Variants in THRB observed in about 807,000 individuals in gnomAD.
THRB encodes the protein nuclear receptor subfamily 1 group A member 2.
Under a neutral mutation model 47.8 loss-of-function variants are expected in THRB, and 12 were observed. That is an observed-to-expected ratio of 0.25 (90% CI 0.16 to 0.41). The LOEUF is 0.41. Among genes scored for constraint, THRB ranks in the 10% least tolerant of loss-of-function variants. THRB has a pLI of 1.00. For synonymous variants in THRB, 218 were observed against 212.2 expected (o/e 1.03, Z -0.24); for missense variants, 348 against 589.2 (o/e 0.59, Z 4.24).
In THRB at chr3:24,440,615, C is replaced by A. The variant is rs111685639; in HGVS notation, c.-261+54037G>T. ...GAGCAGTTTTACAAATAAAAATAAT[C>A]CAAGGAGACAAAGGTCAGAATGACT... On this transcript the variant is annotated intron_variant, in intron 1 of 10. Transcript: ENST00000646209. 5.9e-5 allele frequency among the ~76,000 whole-genome samples: 9 copies of A among 151,924 alleles called. 1 individual carries two copies. The highest frequency in any genetic ancestry group is 4.2e-4 in the South Asian group (2 of 4,800).
intron 1 of THRB, among the ~76,000 whole-genome samples, chr3:24,425,619 C>T (rs1428169972): frequency 1.3e-5 from 2 of 151,894 alleles, no homozygotes; most frequent in Non-Finnish European, 2.9e-5. Flanking sequence ...GCAAATCTGG[C>T]AACAATCAGT....
At chr3:24,240,038 T>G (rs1051301452) in intron 3 of THRB, among the ~76,000 whole-genome samples, 1 of 152,178 alleles carries the variant, frequency 6.6e-6, no homozygotes, top group Non-Finnish European at 1.5e-5. Flanking sequence ...TGTATTTCTG[T>G]GGGGTTGCTG....
chr3:24,460,253 A>AT (rs1553768594), intron 1 of THRB, among the ~76,000 whole-genome samples: 2 of 151,994 alleles, frequency 1.3e-5, no homozygotes, highest in African/African-American at 2.4e-5. Context: ...GAAGGTTATT[A>AT]TTTTTTTTCT....
Position 24,351,646 on chromosome 3 carries a change from CA to C in THRB, c.-260-14276del, listed in dbSNP as rs1434782256. Among the ~76,000 whole-genome samples, 59 of 152,230 alleles carry C rather than the reference CA, an allele frequency of 3.9e-4. 3 individuals are homozygous for C. Among genetic ancestry groups the C allele is most frequent in the Admixed American group, 3.2e-3 (49 of 15,282 alleles). ...GAAATTGTCTTAATCTTTTCCAGAA[CA>C]AGTCCTTAAAACACACTCTCAAAGT... On this transcript the variant is annotated intron_variant, in intron 1 of 10. Transcript: ENST00000646209.
At chr3:24,317,939 T>TC (rs2058235410) in intron 2 of THRB, among the ~76,000 whole-genome samples, 1 of 151,636 alleles carries the variant, frequency 6.6e-6, no homozygotes, top group African/African-American at 2.4e-5. Context: ...GTGACTGGAG[T>TC]CCCAGCTACC....
intron 2 of THRB, among the ~76,000 whole-genome samples, chr3:24,321,145 C>T (rs928418372): frequency 6.6e-6 from 1 of 152,128 alleles, no homozygotes; most frequent in Non-Finnish European, 1.5e-5. Flanking sequence ...AAGTGAGTGA[C>T]TTTGCCCAGT....
intron 2 of THRB, among the ~76,000 whole-genome samples, chr3:24,311,297 G>C (rs1325847547): frequency 6.6e-6 from 1 of 152,182 alleles, no homozygotes; most frequent in African/African-American, 2.4e-5. Flanking sequence ...TTAACTAGAA[G>C]ATGCAATATT....
chr3:24,330,865 A>G (rs1402476844), intron 2 of THRB, among the ~76,000 whole-genome samples: 1 of 152,246 alleles, frequency 6.6e-6, no homozygotes, highest in Non-Finnish European at 1.5e-5. Flanking sequence ...TGCTGACTGT[A>G]AAAGCTAAAA....
intron 1 of THRB, among the ~76,000 whole-genome samples, chr3:24,364,913 G>T (rs534314099): frequency 6.6e-6 from 1 of 152,200 alleles, no homozygotes; most frequent in South Asian, 2.1e-4. Context: ...TAAGATTTTA[G>T]CTCATAGACA....
chr3:24,211,654 G>A (rs1180890146), intron 4 of THRB, among the ~76,000 whole-genome samples: 2 of 152,160 alleles, frequency 1.3e-5, no homozygotes, highest in East Asian at 1.9e-4. Flanking sequence ...AAAATGAGAA[G>A]GCTTAGAAAC....
rs747202783 is a variant in THRB, at chr3:24,416,572, C to T, written c.-261+78080G>A. 6.1e-4 allele frequency among the ~76,000 whole-genome samples: 92 copies of T among 151,880 alleles called. 1 individual carries two copies. Among genetic ancestry groups the T allele is most frequent in the Non-Finnish European group, 1.2e-3 (80 of 67,878 alleles). On this transcript the variant is annotated intron_variant, in intron 1 of 10. Transcript: ENST00000646209. ...GACTAATCCAGTTGTTTAATAGGTG[C>T]TGCTTTTGGTTTCATATAGGATTCT...
At chr3:24,220,812 A>AG (rs1451875399) in intron 4 of THRB, among the ~76,000 whole-genome samples, 5 of 151,878 alleles carry the variant, frequency 3.3e-5, no homozygotes, top group East Asian at 1.9e-4. Flanking sequence ...GAAAAAAAAA[A>AG]AAAGAAAGAA....
chr3:24,187,287 A>G (rs2042717635), intron 5 of THRB, among the ~76,000 whole-genome samples: 1 of 152,158 alleles, frequency 6.6e-6, no homozygotes, highest in Non-Finnish European at 1.5e-5. Flanking sequence ...CAGTTTCTGT[A>G]TTTGCATCAA....
chr3:24,281,331 C>G (rs2054577745), intron 3 of THRB, among the ~76,000 whole-genome samples: 1 of 150,918 alleles, frequency 6.6e-6, no homozygotes, highest in African/African-American at 2.4e-5. Flanking sequence ...CATATCCAGC[C>G]AAACTAAGCT....
At position 24,362,900 on chromosome 3, in the gene THRB, G is replaced by A. The variant is rs186697508; in HGVS notation, c.-260-25529C>T. 6.6e-5 allele frequency among the ~76,000 whole-genome samples: 10 copies of A among 152,180 alleles called. No individual in the cohort carries two copies. The East Asian group carries it at 1.2e-3, about 18-fold the overall frequency. Reference sequence around the variant, plus strand: ...ACCTGCCTTGTTATTTTAACACTTCGGGCCTTACTTAGAAAATGATACATG... The same window carrying A: ...ACCTGCCTTGTTATTTTAACACTTCAGGCCTTACTTAGAAAATGATACATG... On this transcript the variant is annotated intron_variant, in intron 1 of 10. Coordinates refer to ENST00000646209, the MANE Select transcript of THRB (RefSeq NM_001354712.2).
rs182113171 is a variant in THRB, at chr3:24,157,351, C to T, written c.284-4861G>A. On this transcript the variant is annotated intron_variant, in intron 5 of 10. Transcript: ENST00000646209. The stretch of plus-strand genomic sequence containing the variant: ...GAAGCACTGGTGGGCGGAGGAGGGG[C>T]GAGCAGGAGGACCAAGTAGAGGTGT... Among the ~76,000 whole-genome samples the T allele has an allele frequency of 9.5e-3, 1,445 of 151,682 alleles. 85 individuals carry two copies. Among genetic ancestry groups the T allele is most frequent in the Admixed American group, 0.086 (1,311 of 15,214 alleles).
intron 1 of THRB, among the ~76,000 whole-genome samples, chr3:24,348,322 A>T (rs1041390658): frequency 9.9e-5 from 15 of 152,246 alleles, no homozygotes; most frequent in African/African-American, 3.6e-4. Flanking sequence ...ACAGCCCTAC[A>T]ATAGATTGTG....
In THRB at chr3:24,341,231, C is replaced by CTT. The variant is rs5847287; in HGVS notation, c.-260-3862_-260-3861dup. ...GGTAAAACAATTAACATGAGATTAC[C>CTT]TTTTTTTTTTTTTTTTTTGAGACAG... On this transcript the variant is annotated intron_variant, in intron 1 of 10. Transcript: ENST00000646209. Among the ~76,000 whole-genome samples the CTT allele has an allele frequency of 4.1e-3, 423 of 104,040 alleles. 12 individuals carry two copies. Among genetic ancestry groups the CTT allele is most frequent in the African/African-American group, 0.011 (284 of 25,500 alleles). 68.3% of individuals were successfully genotyped at this position (104,040 alleles called of 152,430 possible).
At chr3:24,328,494 T>C (rs1271052755) in intron 2 of THRB, among the ~76,000 whole-genome samples, 1 of 151,976 alleles carries the variant, frequency 6.6e-6, no homozygotes, top group Non-Finnish European at 1.5e-5. Context: ...CTTAGATCTC[T>C]TCCCCTTGTC....
Sources: gnomAD v4.1 joint callset for allele counts (sites outside exome capture counted in the v4.1 genomes callset) on GRCh38, gnomAD v4.1.1 for gene constraint, MANE v1.5 for transcripts, NCBI Gene and HGNC (gene_info 2026-07-23, HGNC 2026-07-21) for gene names.